PALS1: variants seen among roughly 807,000 people sequenced by gnomAD.
The protein encoded by PALS1 is protein associated with LIN7 1, MAGUK p55 family member.
A neutral mutation model predicts 78.9 loss-of-function variants in PALS1; 31 were observed. That is an observed-to-expected ratio of 0.39 (90% CI 0.30 to 0.53). The LOEUF is 0.53. PALS1 is among the 20% of genes least tolerant of loss of function. The pLI, the probability that PALS1 is intolerant of heterozygous loss-of-function variation, is 0.67. For synonymous variants in PALS1, 276 were observed against 270.9 expected, an observed-to-expected ratio of 1.02 and a Z score of -0.18; for missense variants, 704 against 826.5, an observed-to-expected ratio of 0.85 and a Z score of 1.82.
intron 4 of PALS1, among the ~76,000 whole-genome samples, chr14:67,297,292 A>C (rs1234383666): frequency 3.9e-5 from 6 of 152,236 alleles, no homozygotes; most frequent in Non-Finnish European, 8.8e-5. Context: ...GAAGTTGTAT[A>C]GGAACAGGGA....
chr14:67,299,375 T>A (rs1407123099), intron 4 of PALS1, among the ~76,000 whole-genome samples: 1 of 152,204 alleles, frequency 6.6e-6, no homozygotes, highest in South Asian at 2.1e-4. Flanking sequence ...TATCCCTAAG[T>A]ATAATAAAAG....
In PALS1 at chr14:67,292,849, ATGTAT is replaced by A. The variant is rs140281635; in HGVS notation, c.576+134_576+138del. Reference sequence around the variant, plus strand: ...AATTACTGTTAATTACATGTTAATAATGTATTGTGACAGTTTACTACATGCATTTT... The same window carrying A: ...AATTACTGTTAATTACATGTTAATAATGTGACAGTTTACTACATGCATTTT... On this transcript the variant is annotated intron_variant, in intron 4 of 14. Transcript: ENST00000261681. 1,831 of 694,548 alleles carry A rather than the reference ATGTAT, an allele frequency of 2.6e-3. 55 individuals are homozygous for A. In the East Asian group the frequency reaches 0.049, roughly 19 times the overall value. The allele number at this position is 694,548 out of a possible 1,614,324, so 43.0% of individuals were successfully genotyped here.
intron 8 of PALS1, among the ~76,000 whole-genome samples, chr14:67,304,729 C>T (rs1163752952): frequency 6.6e-6 from 1 of 152,104 alleles, no homozygotes; most frequent in East Asian, 1.9e-4. Flanking sequence ...GATAATTGTA[C>T]AAATCTGTGA....
chr14:67,317,417 G>A lies in PALS1; in HGVS notation c.1307G>A (p.Trp436Ter). 1 of 1,611,156 alleles carries A rather than the reference G, an allele frequency of 6.2e-7. No homozygotes were observed. The highest frequency in any genetic ancestry group is 8.5e-7 in the Non-Finnish European group (1 of 1,178,440). ...DKEPEKSGKL[W>*]CAKKNKKKRK... ...TATGATTGCTCAACAGGAAAACTGT[G>A]GTGTGCAAAGAAGAATAAAAAGAAG... Residue 436 changes from tryptophan (W) to a stop codon, truncating the protein, a stop_gained, in exon 11 of 15, where the codon TGG becomes TAG. Transcript: ENST00000261681. LOFTEE classifies it high-confidence loss of function.
intron 9 of PALS1, among the ~76,000 whole-genome samples, chr14:67,314,305 C>G (rs1167482986): frequency 6.6e-6 from 1 of 152,198 alleles, no homozygotes; most frequent in Non-Finnish European, 1.5e-5. Flanking sequence ...TCTTTTATCT[C>G]TGTAACTAAG....
chr14:67,301,698 C>T (rs2084934523), intron 5 of PALS1, among the ~76,000 whole-genome samples: 2 of 152,036 alleles, frequency 1.3e-5, no homozygotes, highest in East Asian at 1.9e-4. Context: ...AAATTCTTCC[C>T]CCCTTTGGTT....
chr14:67,263,352 C>A (rs190696492), intron 1 of PALS1, among the ~76,000 whole-genome samples: 1 of 151,994 alleles, frequency 6.6e-6, no homozygotes, highest in East Asian at 1.9e-4. Context: ...CCCCTTGTGC[C>A]CTGGGAGTAC....
In PALS1 at chr14:67,335,155, A is replaced by ATCAT. The variant is rs2085510010; in HGVS notation, c.*2202_*2205dup. ...ATTTCAAGGTCAGTGAAGTCTATCA[A>ATCAT]TCATTCTCCCCTTCCTCATCAGCAA... On this transcript the variant is annotated 3_prime_UTR_variant, in exon 15 of 15. Transcript: ENST00000261681. 1 of 152,254 alleles carries ATCAT rather than the reference A, an allele frequency of 6.6e-6. No individual in the cohort carries two copies. Among genetic ancestry groups the ATCAT allele is most frequent in the South Asian group, 2.1e-4 (1 of 4,834 alleles). The allele number at this position is 152,254 out of a possible 1,614,324, so 9.4% of individuals were successfully genotyped here. A position where few individuals can be genotyped will look rare whatever the true frequency, so the allele number is the denominator to read the frequency against.
rs1271050829 is a variant in PALS1, at chr14:67,292,605, T to C, written c.462T>C (p.Val154=). Residue 154 remains valine, a synonymous_variant, in exon 4 of 15, where the codon GTT becomes GTC. Coordinates refer to ENST00000261681, the MANE Select transcript of PALS1 (RefSeq NM_022474.4). ...QEDISLLLQL[V]QNKDFQNAFK... ...ATATTTCACTGCTTTTACAACTTGT[T>C]CAAAATAAGGATTTCCAGAATGCAT... is the stretch of plus-strand genomic sequence containing the variant. 6.2e-7 allele frequency: 1 copy of C among 1,613,760 alleles called. No individual in the cohort carries two copies.
At chr14:67,316,731 A>G in intron 9 of PALS1, 101 bp from the exon 10 acceptor site, 1 of 854,076 alleles carries the variant, frequency 1.2e-6, no homozygotes, top group South Asian at 1.8e-5. Flanking sequence ...AGGGAATATA[A>G]GTGAAGAGAT....
chr14:67,325,169 T>G (rs974085510), intron 14 of PALS1, among the ~76,000 whole-genome samples: 1 of 152,146 alleles, frequency 6.6e-6, no homozygotes, highest in Non-Finnish European at 1.5e-5. Context: ...CCTCCCAAAG[T>G]GCTGGGATTA....
At position 67,322,267 on chromosome 14, in the gene PALS1, G is replaced by A. The variant is rs532438423; in HGVS notation, c.1740+1008G>A. ...GGAGGCTGGGGTGGGAAAATCGCCT[G>A]AGCCAGGGAGGCGGAGATTGCAGTG... On this transcript the variant is annotated intron_variant, in intron 13 of 14. Transcript: ENST00000261681. 5.6e-4 allele frequency among the ~76,000 whole-genome samples: 85 copies of A among 152,232 alleles called. 1 individual carries two copies. The South Asian group carries it at 0.015, about 26-fold the overall frequency.
chr14:67,293,275 A>G (rs1343513102), intron 4 of PALS1, among the ~76,000 whole-genome samples: 1 of 152,138 alleles, frequency 6.6e-6, no homozygotes, highest in Non-Finnish European at 1.5e-5. Flanking sequence ...CTGTTATGCA[A>G]ACATCTTTTA....
chr14:67,242,035 C>T (rs891984328), intron 1 of PALS1: 1 of 152,232 alleles, frequency 6.6e-6, no homozygotes, highest in African/African-American at 2.4e-5. Context: ...TTCCTGCTTC[C>T]TTGTGACCAC....
chr14:67,292,776 G>T, intron 4 of PALS1, 57 bp downstream of exon 4: 5 of 1,368,376 alleles, frequency 3.7e-6, no homozygotes, highest in Non-Finnish European at 4.1e-6. Context: ...TGGCAGGAAG[G>T]CAGGATTATT....
intron 13 of PALS1, among the ~76,000 whole-genome samples, chr14:67,322,531 C>T (rs977433315): frequency 2.0e-5 from 3 of 151,998 alleles, no homozygotes; most frequent in African/African-American, 7.3e-5. Flanking sequence ...AAGAGATGTA[C>T]ATAAAGGAGA....
intron 4 of PALS1, among the ~76,000 whole-genome samples, chr14:67,293,672 C>T (rs1241242972): frequency 1.3e-5 from 2 of 152,158 alleles, no homozygotes; most frequent in Non-Finnish European, 2.9e-5. Flanking sequence ...GTAGGCAATT[C>T]TGGACTCACT....
intron 4 of PALS1, among the ~76,000 whole-genome samples, chr14:67,296,410 C>A (rs144413290): frequency 1.3e-4 from 19 of 151,902 alleles, no homozygotes; most frequent in African/African-American, 4.1e-4. Flanking sequence ...ACCATCCTGG[C>A]TAACATGGTG....
At chr14:67,322,249 G>A (rs142592329) in intron 13 of PALS1, among the ~76,000 whole-genome samples, 19 of 152,244 alleles carry the variant, frequency 1.2e-4, no homozygotes, top group Non-Finnish European at 2.5e-4. Flanking sequence ...TTGGGAGGCT[G>A]GGGTGGGAAA....
Sources: allele counts gnomAD v4.1 joint callset (sites outside exome capture counted in the v4.1 genomes callset), GRCh38; gene constraint gnomAD v4.1.1; transcripts MANE v1.5; gene names NCBI Gene and HGNC (gene_info 2026-07-23, HGNC 2026-07-21).